USP54: variants seen among roughly 807,000 people sequenced by gnomAD.
USP54 encodes ubiquitin specific peptidase 54.
In USP54, 87 loss-of-function variants were observed where a neutral mutation model predicts 170.5. The ratio of observed to expected loss-of-function variants is 0.51; its 90% confidence interval spans 0.43 to 0.61. The LOEUF (loss-of-function observed/expected upper bound fraction) is 0.61. Ranked by LOEUF, USP54 falls within the 20% of genes least tolerant of loss-of-function variation. The pLI is 0.00. For synonymous variants in USP54, 655 were observed against 742.8 expected (o/e 0.88, Z 1.92); for missense variants, 1,786 against 2,047.8 (o/e 0.87, Z 2.47).
In USP54 at chr10:73,505,336, T is replaced by C. The variant is rs1185824207; in HGVS notation, c.4142A>G (p.His1381Arg). ...AGAAGTACGCACTGTTCTGGCTTCA[T>C]GGAGACCATGCTCCATTTCTGCTGT... ...TSTAEMEHGL[H>R]EARTVRTSQA... The change falls in exon 21 of 24, where the codon CAT becomes CGT. Residue 1381 changes from histidine to arginine, a missense_variant. His to Arg is a conservative substitution (Grantham distance 29, BLOSUM62 0). Around this residue, in one of 3 missense-constraint regions of USP54, gnomAD observed 1,418 missense variants for 1,569.0 expected, o/e 0.90. Transcript: ENST00000687698. The C allele has an allele frequency of 9.3e-6, 15 of 1,614,064 alleles. No homozygotes were observed. The highest frequency in any genetic ancestry group is 1.1e-5 in the Non-Finnish European group (13 of 1,180,038).
At chr10:73,546,020 C>T (rs900625582) in intron 4 of USP54, among the ~76,000 whole-genome samples, 40 of 152,114 alleles carry the variant, frequency 2.6e-4, no homozygotes, top group African/African-American at 9.4e-4. Context: ...TACACGTAAA[C>T]GTTATCAACA....
At chr10:73,515,283 T>TA (rs148394714) in intron 20 of USP54, among the ~76,000 whole-genome samples, 6,685 of 151,292 alleles carry the variant, frequency 0.044, 455 homozygotes, top group African/African-American at 0.15. Context: ...TATCTTTTTT[T>TA]AAAAAAAAAG....
intron 4 of USP54, among the ~76,000 whole-genome samples, chr10:73,566,747 A>C (rs2073926416): frequency 6.6e-6 from 1 of 151,192 alleles, no homozygotes; most frequent in South Asian, 2.1e-4. Context: ...ACAAACAAAA[A>C]AACAAAACAA....
chr10:73,536,139 C>G, intron 11 of USP54, 130 bp downstream of exon 11: 1 of 1,342,098 alleles, frequency 7.5e-7, no homozygotes, highest in Admixed American at 2.0e-5. Flanking sequence ...ATTGGCACTT[C>G]TTTCTTACCT....
At chr10:73,560,588 C>T (rs1317072346) in intron 4 of USP54, among the ~76,000 whole-genome samples, 49 of 138,864 alleles carry the variant, frequency 3.5e-4, no homozygotes, top group African/African-American at 1.3e-3. Flanking sequence ...GGCGTGAACC[C>T]GGGAGGCAGA....
intron 4 of USP54, among the ~76,000 whole-genome samples, chr10:73,562,409 A>G (rs986588663): frequency 2.0e-5 from 3 of 152,202 alleles, no homozygotes; most frequent in Non-Finnish European, 2.9e-5. Context: ...TCCACCTTCT[A>G]CAGAACACAA....
chr10:73,609,379 T>C (rs1411494921), intron 1 of USP54, among the ~76,000 whole-genome samples: 2 of 152,132 alleles, frequency 1.3e-5, no homozygotes, highest in Non-Finnish European at 2.9e-5. Context: ...GGCACACAAA[T>C]AAGTTTTGTT....
intron 1 of USP54, among the ~76,000 whole-genome samples, chr10:73,605,245 T>C (rs1378729746): frequency 6.6e-6 from 1 of 152,206 alleles, no homozygotes; most frequent in Non-Finnish European, 1.5e-5. Flanking sequence ...TTTGTATTTT[T>C]AGTAGAGACG....
chr10:73,534,462 T>C (rs2064805142), intron 12 of USP54, 138 bp downstream of exon 12: 3 of 905,432 alleles, frequency 3.3e-6, no homozygotes, highest in Non-Finnish European at 4.8e-6. Flanking sequence ...TCCACCCACC[T>C]TGGCCGCCCG....
At chr10:73,560,272 A>G (rs1428373979) in intron 4 of USP54, among the ~76,000 whole-genome samples, 1 of 152,134 alleles carries the variant, frequency 6.6e-6, no homozygotes, top group East Asian at 1.9e-4. Context: ...TTCTTCTTTC[A>G]GCAGGTCTTT....
chr10:73,569,932 A>AC (rs2074747763), intron 4 of USP54, among the ~76,000 whole-genome samples: 2 of 142,866 alleles, frequency 1.4e-5, no homozygotes, highest in Non-Finnish European at 3.1e-5. Flanking sequence ...AAAAAAAAAA[A>AC]AAAAAAAACA....
At chr10:73,562,376 AC>A (rs886883246) in intron 4 of USP54, among the ~76,000 whole-genome samples, 2 of 152,228 alleles carry the variant, frequency 1.3e-5, no homozygotes, top group Admixed American at 1.3e-4. Context: ...CCAACTGATT[AC>A]ATACTTACAT....
chr10:73,501,167 G>A (rs868561368), intron 22 of USP54, among the ~76,000 whole-genome samples: 5 of 151,856 alleles, frequency 3.3e-5, no homozygotes, highest in African/African-American at 7.3e-5. Flanking sequence ...AAATAAAAAC[G>A]AAATATGAGA....
chr10:73,554,668 T>C (rs949574121), intron 4 of USP54, among the ~76,000 whole-genome samples: 3 of 152,244 alleles, frequency 2.0e-5, no homozygotes, highest in Non-Finnish European at 4.4e-5. Context: ...TTATTTATCA[T>C]TCAACTTCAA....
intron 22 of USP54, chr10:73,504,481 G>T: frequency 4.4e-6 from 1 of 227,598 alleles, no homozygotes; most frequent in East Asian, 1.0e-4. Flanking sequence ...TACTGGGGGT[G>T]AGAGGAAAAA....
At chr10:73,502,224 A>G (rs1414885847) in intron 22 of USP54, among the ~76,000 whole-genome samples, 2 of 152,232 alleles carry the variant, frequency 1.3e-5, no homozygotes, top group Non-Finnish European at 2.9e-5. Flanking sequence ...AGCACCTACT[A>G]CAAAATGGCA....
intron 1 of USP54, among the ~76,000 whole-genome samples, chr10:73,612,114 A>C (rs2080196889): frequency 6.6e-6 from 1 of 152,190 alleles, no homozygotes. Flanking sequence ...TGTCTCAAAA[A>C]TAAAATAAAA....
chr10:73,606,208 A>C (rs1422983670), intron 1 of USP54, among the ~76,000 whole-genome samples: 1 of 148,568 alleles, frequency 6.7e-6, no homozygotes, highest in Admixed American at 6.7e-5. Context: ...AAAAAATGAG[A>C]GTGCTGAAGA....
chr10:73,617,947 A>G (rs2080778029), intron 1 of USP54, among the ~76,000 whole-genome samples: 1 of 150,356 alleles, frequency 6.7e-6, no homozygotes, highest in African/African-American at 2.5e-5. Context: ...GCAGTGGTTC[A>G]CACCTGTAAT....
Sources: allele counts gnomAD v4.1 joint callset (sites outside exome capture counted in the v4.1 genomes callset), GRCh38; gene constraint gnomAD v4.1.1; regional missense constraint gnomAD v4.1.1; transcripts MANE v1.5; gene names NCBI Gene and HGNC (gene_info 2026-07-23, HGNC 2026-07-21).